The following TAFA2 variants were observed in gnomAD, a reference collection of about 807,000 sequenced individuals.
TAFA2 encodes the protein chemokine-like protein TAFA-2.
A neutral mutation model predicts 18.8 loss-of-function variants in TAFA2; 7 were observed. The observed-to-expected ratio is 0.37, with a 90% confidence interval of 0.21 to 0.70. The LOEUF (loss-of-function observed/expected upper bound fraction) is 0.70, where lower values mean the gene tolerates loss of function less well. Among genes scored for constraint, TAFA2 ranks in the 30% least tolerant of loss-of-function variants. The pLI is 0.53. For synonymous variants in TAFA2, 60 were observed against 54.2 expected (o/e 1.11, Z -0.47); for missense variants, 122 against 158.1 (o/e 0.77, Z 1.23).
intron 1 of TAFA2, among the ~76,000 whole-genome samples, chr12:62,181,995 C>CCCA (rs1555196476): frequency 2.7e-5 from 4 of 149,476 alleles, no homozygotes; most frequent in African/African-American, 4.9e-5. Flanking sequence ...GTCCATCCCC[C>CCCA]CCCCGCTACA....
rs2136723089 is a variant in TAFA2, at chr12:62,017,398, T to G, written c.-1-149972A>C. ...GTCTGAACTATTTGTAAATGCAATT[T>G]AATTCAGCAAGTATATGTATTCTTG... On this transcript the variant is annotated intron_variant, in intron 1 of 4. Transcript: ENST00000416284. 2.0e-5 allele frequency among the ~76,000 whole-genome samples: 3 copies of G among 152,302 alleles called. 1 individual carries two copies. The highest frequency in any genetic ancestry group is 2.0e-4 in the Admixed American group (3 of 15,294).
At chr12:62,257,569 C>A (rs868504942) in intron 1 of TAFA2, among the ~76,000 whole-genome samples, 1 of 152,050 alleles carries the variant, frequency 6.6e-6, no homozygotes, top group Middle Eastern at 3.2e-3. Flanking sequence ...ATTTCACAAC[C>A]AACTGTGACT....
At chr12:62,217,448 A>G (rs1033463310) in intron 1 of TAFA2, among the ~76,000 whole-genome samples, 1 of 152,210 alleles carries the variant, frequency 6.6e-6, no homozygotes, top group Non-Finnish European at 1.5e-5. Flanking sequence ...AGAAAAGACA[A>G]AGAGTCTAAT....
At chr12:61,815,595 G>A (rs1320731832) in intron 2 of TAFA2, among the ~76,000 whole-genome samples, 2 of 150,686 alleles carry the variant, frequency 1.3e-5, no homozygotes, top group East Asian at 1.9e-4. Flanking sequence ...CCCAGGAGGT[G>A]GAGCTTGCAG....
intron 1 of TAFA2, among the ~76,000 whole-genome samples, chr12:61,939,425 A>G (rs923479658): frequency 5.9e-5 from 9 of 152,146 alleles, no homozygotes; most frequent in Non-Finnish European, 7.4e-5. Flanking sequence ...TCTTTGGTTT[A>G]TTGGCAAAAA....
intron 1 of TAFA2, among the ~76,000 whole-genome samples, chr12:62,036,122 T>A (rs1881605382): frequency 6.6e-6 from 1 of 152,006 alleles, no homozygotes; most frequent in African/African-American, 2.4e-5. Flanking sequence ...TAGGTGCCAA[T>A]AGAACCCGTT....
intron 1 of TAFA2, among the ~76,000 whole-genome samples, chr12:61,914,910 C>T (rs1876759609): frequency 6.6e-6 from 1 of 152,156 alleles, no homozygotes; most frequent in African/African-American, 2.4e-5. Flanking sequence ...TGCCTGTAAT[C>T]CCAGCACTTT....
intron 1 of TAFA2, among the ~76,000 whole-genome samples, chr12:61,926,338 A>C (rs1417982403): frequency 6.6e-6 from 1 of 152,238 alleles, no homozygotes; most frequent in Non-Finnish European, 1.5e-5. Context: ...TCCGTAACTC[A>C]TTTTATGAGG....
intron 1 of TAFA2, among the ~76,000 whole-genome samples, chr12:61,958,830 A>G (rs894780653): frequency 5.3e-5 from 8 of 152,000 alleles, no homozygotes. Context: ...TATATAGGTA[A>G]CGGACTATTA....
intron 1 of TAFA2, among the ~76,000 whole-genome samples, chr12:61,947,212 A>G (rs1332696035): frequency 6.7e-6 from 1 of 148,396 alleles, no homozygotes; most frequent in East Asian, 2.0e-4. Context: ...CAAGGACAAA[A>G]AACCAAACAC....
At chr12:61,798,867 A>G (rs1871292911) in intron 2 of TAFA2, among the ~76,000 whole-genome samples, 1 of 152,266 alleles carries the variant, frequency 6.6e-6, no homozygotes, top group African/African-American at 2.4e-5. Context: ...ATAGAATGTT[A>G]TCTAAGATAA....
chr12:61,950,556 T>A (rs893378807), intron 1 of TAFA2, among the ~76,000 whole-genome samples: 44 of 152,298 alleles, frequency 2.9e-4, no homozygotes, highest in African/African-American at 1.0e-3. Context: ...CATTTGTATA[T>A]CATCTTTAGA....
At chr12:62,161,443 A>C (rs1001340741) in intron 1 of TAFA2, among the ~76,000 whole-genome samples, 1 of 152,216 alleles carries the variant, frequency 6.6e-6, no homozygotes, top group Non-Finnish European at 1.5e-5. Context: ...GAGTGAAACA[A>C]GCCAGACAAA....
chr12:61,900,394 C>T (rs976863287), intron 1 of TAFA2, among the ~76,000 whole-genome samples: 2 of 152,184 alleles, frequency 1.3e-5, no homozygotes, highest in Non-Finnish European at 2.9e-5. Flanking sequence ...ATTTCTGTGG[C>T]ATTCTAGTGG....
chr12:61,820,288 A>G (rs1239114084), intron 2 of TAFA2, among the ~76,000 whole-genome samples: 1 of 106,434 alleles, frequency 9.4e-6, no homozygotes, highest in East Asian at 2.9e-4. Flanking sequence ...GGAAAACAAT[A>G]ATTAACATTG....
intron 1 of TAFA2, among the ~76,000 whole-genome samples, chr12:61,924,572 A>T (rs1479274319): frequency 6.6e-6 from 1 of 152,236 alleles, no homozygotes; most frequent in African/African-American, 2.4e-5. Flanking sequence ...CCTGCCTCAC[A>T]AGAGTTCTTG....
chr12:62,146,409 A>C (rs1476420454), intron 1 of TAFA2, among the ~76,000 whole-genome samples: 3 of 148,896 alleles, frequency 2.0e-5, no homozygotes, highest in South Asian at 2.1e-4. Flanking sequence ...TCAGCCTCCC[A>C]AGTAGCTGGG....
intron 1 of TAFA2, 42 bp from the exon 2 acceptor site, chr12:61,867,468 C>A (rs374262785): frequency 1.9e-4 from 230 of 1,218,086 alleles, no homozygotes; most frequent in Admixed American, 3.7e-4. Context: ...TATGCAAATT[C>A]ATAGCTTTTC....
chr12:61,760,137 G>A (rs913933690), intron 2 of TAFA2, among the ~76,000 whole-genome samples: 6 of 149,618 alleles, frequency 4.0e-5, no homozygotes, highest in East Asian at 3.9e-4. Context: ...GTTTCCTGGT[G>A]AGAAATGAAC....
Sources: gnomAD v4.1 joint callset for allele counts (sites outside exome capture counted in the v4.1 genomes callset) on GRCh38, gnomAD v4.1.1 for gene constraint, MANE v1.5 for transcripts, NCBI Gene and HGNC (gene_info 2026-07-23, HGNC 2026-07-21) for gene names.